Variants in CDC16 observed in about 807,000 individuals in gnomAD.
CDC16 encodes cell division cycle protein 16 homolog.
CDC16 carries 34 observed loss-of-function variants against 87.0 expected under a neutral mutation model. The observed-to-expected ratio is 0.39, with a 90% CI of 0.30 to 0.52. The LOEUF is 0.52. CDC16 is among the 20% of genes least tolerant of loss of function. The probability of loss-of-function intolerance (pLI) is 0.74; values close to 1 mark genes in which losing one functional copy is unlikely to be tolerated. For missense variants in CDC16, 653 were observed against 751.9 expected (o/e 0.87, Z 1.54); for synonymous variants, 263 against 260.6 (o/e 1.01, Z -0.09).
Position 114,250,565 on chromosome 13 carries a change from G to C in CDC16, c.988G>C (p.Glu330Gln). 1 of 1,613,012 alleles carries C rather than the reference G, an allele frequency of 6.2e-7. No homozygotes were observed. The highest frequency in any genetic ancestry group is 8.5e-7 in the Non-Finnish European group (1 of 1,179,496). The change falls in exon 12 of 18, where the codon GAG becomes CAG. Residue 330 changes from glutamate (E) to glutamine (Q), a missense_variant. Physicochemically the swap from Glu to Gln is conservative, Grantham distance 29. Transcript: ENST00000356221. Reference sequence around the variant, plus strand: ...TTGTTTTAGCAAAGCCACAACACTTGAGAAAACCTATGGACCTGCATGGAT... The same window carrying C: ...TTGTTTTAGCAAAGCCACAACACTTCAGAAAACCTATGGACCTGCATGGAT... ...RRYLSKATTL[E>Q]KTYGPAWIAY...
At chr13:114,244,176 T>C (rs529238698) in intron 8 of CDC16, among the ~76,000 whole-genome samples, 187 bp downstream of exon 8, 2 of 152,350 alleles carry the variant, frequency 1.3e-5, no homozygotes, top group African/African-American at 2.4e-5. Context: ...TTGTGCATAT[T>C]TGTAGATTTA....
At chr13:114,257,312 A>C in intron 13 of CDC16, 82 bp downstream of exon 13, 37 of 814,896 alleles carry the variant, frequency 4.5e-5, no homozygotes, top group East Asian at 1.8e-4. Flanking sequence ...CACTGACAAA[A>C]GCGACTCTTC....
In CDC16 at chr13:114,259,386, A is replaced by C; in HGVS notation, c.1302A>C (p.Ala434=). ...WFLDALEKIK[A]IGNEVTVDKW... Reference sequence around the variant, plus strand: ...TTGATGCTTTGGAAAAAATTAAAGCAATTGGGAACGAGGTATTCTTTGTAG... The same window carrying C: ...TTGATGCTTTGGAAAAAATTAAAGCCATTGGGAACGAGGTATTCTTTGTAG... Residue 434 remains alanine, a synonymous_variant, in exon 14 of 18, where the codon GCA becomes GCC. Transcript: ENST00000356221. The C allele has an allele frequency of 6.4e-7, 1 of 1,568,694 alleles. No homozygotes were observed.
At chr13:114,266,589 C>G (rs544697966) in intron 17 of CDC16, among the ~76,000 whole-genome samples, 39 of 152,332 alleles carry the variant, frequency 2.6e-4, no homozygotes, top group African/African-American at 8.9e-4. Context: ...TTCCCTGCCC[C>G]CTTAGAACCT....
chr13:114,237,535 T>TC (rs1350851490), intron 3 of CDC16, among the ~76,000 whole-genome samples: 2 of 152,136 alleles, frequency 1.3e-5, no homozygotes, highest in African/African-American at 4.8e-5. Flanking sequence ...CAAGCAGTCC[T>TC]CCCGCCTTGG....
chr13:114,243,822 A>G (rs758627823), intron 7 of CDC16, 34 bp from the exon 8 acceptor site: 2 of 1,569,604 alleles, frequency 1.3e-6, no homozygotes, highest in East Asian at 2.3e-5. Context: ...GTTTTTGCTC[A>G]TTGAGTTTAT....
chr13:114,258,193 A>G (rs951747506), intron 13 of CDC16, among the ~76,000 whole-genome samples: 3 of 152,210 alleles, frequency 2.0e-5, no homozygotes, highest in Admixed American at 1.3e-4. Flanking sequence ...ATAAATAGTA[A>G]TCTTTTAATA....
rs533546733 is a variant in CDC16, at chr13:114,255,754, C to T, written c.1098-1324C>T. The stretch of plus-strand genomic sequence containing the variant: ...AACTCCTGGGCTCAAGGGATCCTTC[C>T]GCCTCAGCCTCTCAAGTGTCTGGGA... On this transcript the variant is annotated intron_variant, in intron 12 of 17. Transcript: ENST00000356221. 9.2e-5 allele frequency among the ~76,000 whole-genome samples: 14 copies of T among 152,290 alleles called. 1 individual carries two copies. The highest frequency in any genetic ancestry group is 5.2e-4 in the Admixed American group (8 of 15,296).
chr13:114,236,973 C>A, intron 3 of CDC16, 77 bp downstream of exon 3: 1 of 875,132 alleles, frequency 1.1e-6, no homozygotes. Context: ...CGGTGGCTTA[C>A]ACCTGTAATC....
intron 17 of CDC16, among the ~76,000 whole-genome samples, chr13:114,267,769 GTCC>G (rs769215382): frequency 9.0e-5 from 13 of 145,200 alleles, no homozygotes; most frequent in Non-Finnish European, 1.6e-4. Flanking sequence ...GCCTTTGGGA[GTCC>G]TCCTCCCATG....
chr13:114,256,484 A>G (rs1044565210), intron 12 of CDC16, among the ~76,000 whole-genome samples: 3 of 152,216 alleles, frequency 2.0e-5, no homozygotes, highest in Non-Finnish European at 2.9e-5. Flanking sequence ...CTTTAATGCA[A>G]TCACTGATCC....
chr13:114,263,037 A>C (rs778083833), intron 16 of CDC16, 23 bp downstream of exon 16: 3 of 1,607,126 alleles, frequency 1.9e-6, no homozygotes. Context: ...TTTGTACCTA[A>C]TTTTAAATCT....
chr13:114,266,888 G>A (rs2083258567), intron 17 of CDC16, among the ~76,000 whole-genome samples: 1 of 151,742 alleles, frequency 6.6e-6, no homozygotes, highest in Non-Finnish European at 1.5e-5. Flanking sequence ...AGTAGTGATG[G>A]GGTTTCACAG....
chr13:114,245,641 A>G lies in CDC16; in HGVS notation c.848-359A>G, dbSNP rs2081825719. The G allele has an allele frequency of 1.5e-5, 3 of 195,820 alleles. No homozygotes were observed. In the South Asian group the frequency reaches 3.6e-4, roughly 23 times the overall value. 12.1% of individuals were successfully genotyped at this position (195,820 alleles called of 1,614,324 possible). On this transcript the variant is annotated intron_variant, in intron 9 of 17. Transcript: ENST00000356221. ...ACATTTCTCAAGATTAAATAGTATC[A>G]TTGATCTGATAAACTTGAAAGTTTG...
At chr13:114,239,269 AT>A (rs2081420047) in intron 4 of CDC16, 80 bp from the exon 5 acceptor site, 1 of 1,530,064 alleles carries the variant, frequency 6.5e-7, no homozygotes, top group South Asian at 1.3e-5. Flanking sequence ...GGCATAGTAT[AT>A]GTTATCCTTT....
intron 3 of CDC16, among the ~76,000 whole-genome samples, chr13:114,238,159 T>G (rs1410675840): frequency 6.7e-6 from 1 of 149,836 alleles, no homozygotes; most frequent in Non-Finnish European, 1.5e-5. Context: ...GTGCCTGAAG[T>G]GGAGCTGCTG....
At chr13:114,237,594 GT>G (rs60166690) in intron 3 of CDC16, among the ~76,000 whole-genome samples, 2 of 151,192 alleles carry the variant, frequency 1.3e-5, no homozygotes, top group Non-Finnish European at 3.0e-5. Context: ...AGTAGGCCCA[GT>G]TTTTTTTTAG....
chr13:114,244,592 G>C, intron 8 of CDC16: 1 of 229,144 alleles, frequency 4.4e-6, no homozygotes, highest in Middle Eastern at 7.3e-4. Flanking sequence ...TGTTGGTTTT[G>C]ATTCTTTTAA....
chr13:114,245,909 A>AATT, intron 9 of CDC16, 91 bp from the exon 10 acceptor site: 1 of 715,942 alleles, frequency 1.4e-6, no homozygotes, highest in Non-Finnish European at 2.4e-6. Context: ...GTAAGAGCAG[A>AATT]ATTATATGAT....
Sources: allele counts gnomAD v4.1 joint callset (sites outside exome capture counted in the v4.1 genomes callset), GRCh38; gene constraint gnomAD v4.1.1; transcripts MANE v1.5; gene names NCBI Gene and HGNC (gene_info 2026-07-23, HGNC 2026-07-21).